ARIH2: variants seen among roughly 807,000 people sequenced by gnomAD.
The protein encoded by ARIH2 is E3 ubiquitin-protein ligase ARIH2.
In ARIH2, 12 loss-of-function variants were observed where a neutral mutation model predicts 79.8. The ratio of observed to expected loss-of-function variants is 0.15; its 90% CI spans 0.10 to 0.24. ARIH2 has a LOEUF of 0.24. Ranked by LOEUF, ARIH2 falls within the 10% of genes least tolerant of loss-of-function variation. The pLI is 1.00. For missense variants in ARIH2, 301 were observed against 618.3 expected (o/e 0.49, Z 5.44); for synonymous variants, 224 against 213.9 (o/e 1.05, Z -0.41).
chr3:48,981,273 A>T (rs958185922), intron 13 of ARIH2, among the ~76,000 whole-genome samples: 14 of 151,540 alleles, frequency 9.2e-5, no homozygotes, highest in Admixed American at 9.2e-4. Flanking sequence ...CAGAGTTTGC[A>T]GTGAGTGGGG....
At chr3:48,923,629 C>G (rs556359478) in intron 2 of ARIH2, among the ~76,000 whole-genome samples, 1 of 151,324 alleles carries the variant, frequency 6.6e-6, no homozygotes, top group African/African-American at 2.4e-5. Flanking sequence ...TCAATCCATT[C>G]TCCTGCTTCA....
intron 3 of ARIH2, among the ~76,000 whole-genome samples, chr3:48,953,474 G>A (rs1323871793): frequency 6.6e-6 from 1 of 152,036 alleles, no homozygotes; most frequent in East Asian, 1.9e-4. Flanking sequence ...TGCGACCTCG[G>A]CTCACTGCAA....
chr3:48,927,539 C>CA lies in ARIH2; in HGVS notation c.-18dup. 1 of 1,609,794 alleles carries CA rather than the reference C, an allele frequency of 6.2e-7. No homozygotes were observed. Among genetic ancestry groups the CA allele is most frequent in the South Asian group, 1.1e-5 (1 of 90,440 alleles). On this transcript the variant is annotated 5_prime_UTR_variant, in exon 3 of 16. Transcript: ENST00000356401. The stretch of plus-strand genomic sequence containing the variant: ...AAAAAGCAACTGCTTTCCTGATCTG[C>CA]AACTTGGCTGGATGCTAAGATGTCA...
At chr3:48,945,109 T>C in intron 3 of ARIH2, 4 of 1,289,522 alleles carry the variant, frequency 3.1e-6, no homozygotes, top group Non-Finnish European at 4.0e-6. Context: ...TAAATAAAAA[T>C]TGAAACTACC....
At chr3:48,981,103 G>C (rs1041808528) in intron 13 of ARIH2, among the ~76,000 whole-genome samples, 2 of 149,398 alleles carry the variant, frequency 1.3e-5, no homozygotes, top group African/African-American at 4.9e-5. Flanking sequence ...GCCAAGGCAG[G>C]TGCATTGCTT....
In ARIH2 at chr3:48,969,311, T is replaced by A. The variant is rs115952221; in HGVS notation, c.660+656T>A. ...ATACAAATTAGGCATATTTAGGAGC[T>A]GCTGTTAGATTCAGTTTCCTGTGTG... On this transcript the variant is annotated intron_variant, in intron 7 of 15. Coordinates refer to ENST00000356401, the MANE Select transcript of ARIH2 (RefSeq NM_006321.4). 8.7e-3 allele frequency among the ~76,000 whole-genome samples: 1,324 copies of A among 152,096 alleles called. 6 individuals are homozygous for A. Among genetic ancestry groups the A allele is most frequent in the Middle Eastern group, 0.027 (8 of 294 alleles).
At chr3:48,934,523 G>T in intron 3 of ARIH2, 2 of 985,322 alleles carry the variant, frequency 2.0e-6, no homozygotes, top group Non-Finnish European at 2.4e-6. Context: ...GCAGCCCTCT[G>T]ATTTCTATTT....
At chr3:48,981,341 A>AG (rs1469246374) in intron 13 of ARIH2, among the ~76,000 whole-genome samples, 1 of 152,140 alleles carries the variant, frequency 6.6e-6, no homozygotes, top group East Asian at 1.9e-4. Flanking sequence ...CAAAAAAAAA[A>AG]AAAAGGTTGT....
At chr3:48,977,529 C>T (rs2092574647) in intron 11 of ARIH2, among the ~76,000 whole-genome samples, 1 of 152,054 alleles carries the variant, frequency 6.6e-6, no homozygotes, top group South Asian at 2.1e-4. Flanking sequence ...GCGATCTCGG[C>T]TCACTGCAAC....
At chr3:48,947,967 T>G (rs1218584286) in intron 3 of ARIH2, among the ~76,000 whole-genome samples, 5 of 149,696 alleles carry the variant, frequency 3.3e-5, no homozygotes, top group Non-Finnish European at 7.5e-5. Flanking sequence ...TTTATTTTGT[T>G]TATTTATTTT....
chr3:48,933,456 C>G (rs1293692986), intron 3 of ARIH2, among the ~76,000 whole-genome samples: 1 of 151,712 alleles, frequency 6.6e-6, no homozygotes, highest in Non-Finnish European at 1.5e-5. Context: ...AGCCACCACA[C>G]TGAGCCTAGG....
chr3:48,945,098 C>G (rs1440150098), intron 3 of ARIH2: 2 of 1,288,524 alleles, frequency 1.6e-6, no homozygotes, highest in South Asian at 2.5e-5. Flanking sequence ...AGTAAGAATT[C>G]TAAATAAAAA....
chr3:48,968,774 G>A (rs977834631), intron 7 of ARIH2, 119 bp downstream of exon 7: 106 of 1,379,196 alleles, frequency 7.7e-5, no homozygotes, highest in Non-Finnish European at 9.2e-5. Flanking sequence ...CAAAGAAAGC[G>A]CTCCATGGCT....
chr3:48,970,286 G>A (rs1209878918), intron 7 of ARIH2, among the ~76,000 whole-genome samples: 2 of 152,126 alleles, frequency 1.3e-5, no homozygotes, highest in African/African-American at 2.4e-5. Context: ...GAAATTTCAG[G>A]CCTCAAGCAG....
At chr3:48,983,162 G>A in intron 15 of ARIH2, 37 bp from the exon 16 acceptor site, 1 of 1,611,452 alleles carries the variant, frequency 6.2e-7, no homozygotes, top group Non-Finnish European at 8.5e-7. Flanking sequence ...TCCCAGGCCT[G>A]GGCCATGCAA....
intron 6 of ARIH2, chr3:48,968,274 C>T (rs1184865879): frequency 7.6e-6 from 2 of 263,020 alleles, no homozygotes; most frequent in Non-Finnish European, 7.5e-6. Context: ...GTGGCGGGAT[C>T]TCGGCTCACT....
At chr3:48,973,152 A>G (rs1214912698) in intron 8 of ARIH2, among the ~76,000 whole-genome samples, 1 of 152,244 alleles carries the variant, frequency 6.6e-6, no homozygotes, top group South Asian at 2.1e-4. Context: ...TACCTATTTG[A>G]AAAGCTCTAG....
intron 1 of ARIH2, 75 bp from the exon 2 acceptor site, chr3:48,922,673 G>A (rs1343830391): frequency 6.6e-6 from 1 of 150,616 alleles, no homozygotes; most frequent in Non-Finnish European, 1.5e-5. Context: ...AAATACCTTT[G>A]CTTTAAAAAA....
intron 2 of ARIH2, chr3:48,927,005 A>G (rs547934722): frequency 2.6e-5 from 4 of 154,710 alleles, no homozygotes; most frequent in Admixed American, 1.9e-4. Context: ...CTTTTTCTAC[A>G]TATTACAGCA....
Sources: allele counts gnomAD v4.1 joint callset (sites outside exome capture counted in the v4.1 genomes callset), GRCh38; gene constraint gnomAD v4.1.1; transcripts MANE v1.5; gene names NCBI Gene and HGNC (gene_info 2026-07-23, HGNC 2026-07-21).